The following TEP1 variants were observed in gnomAD, a reference collection of about 807,000 sequenced individuals.
TEP1 encodes the protein telomerase associated protein 1, also known as telomerase protein component 1.
TEP1 carries 241 observed loss-of-function variants against 306.3 expected under a neutral mutation model. The observed-to-expected ratio is 0.79, with a 90% CI of 0.71 to 0.88. The LOEUF (loss-of-function observed/expected upper bound fraction) is 0.88. TEP1 is among the 40% of genes least tolerant of loss of function. TEP1 has a pLI of 0.00. For missense variants in TEP1, 3,051 were observed against 3,276.1 expected (o/e 0.93, Z 1.68); for synonymous variants, 1,289 against 1,305.5 (o/e 0.99, Z 0.27).
In TEP1 at chr14:20,368,917, G is replaced by T; in HGVS notation, c.7657-15C>A. Reference sequence around the variant, plus strand: ...CCCGAGTGAATCTCAAAGAGGAAAGGGGAGAGCAGAATGGTGAGTTCTCAG... The same window carrying T: ...CCCGAGTGAATCTCAAAGAGGAAAGTGGAGAGCAGAATGGTGAGTTCTCAG... On this transcript the variant is annotated splice_polypyrimidine_tract_variant and intron_variant, in intron 53 of 54. Transcript: ENST00000262715. 1 of 1,604,616 alleles carries T rather than the reference G, an allele frequency of 6.2e-7. No homozygotes were observed.
At position 20,377,583 on chromosome 14, in the gene TEP1, C is replaced by G; in HGVS notation, c.5875+17G>C. On this transcript the variant is annotated intron_variant, in intron 40 of 54. Coordinates refer to ENST00000262715, the MANE Select transcript of TEP1 (RefSeq NM_007110.5). ...CTTTCTAAAGGCTCAAAAACCCACCCATTCCCATTTCAGTACCTGAAGAGA... is the reference window on the plus strand; with the variant it reads ...CTTTCTAAAGGCTCAAAAACCCACCGATTCCCATTTCAGTACCTGAAGAGA... The G allele has an allele frequency of 6.2e-7, 1 of 1,614,106 alleles. No individual in the cohort carries two copies. Among genetic ancestry groups the G allele is most frequent in the Admixed American group, 1.7e-5 (1 of 60,022 alleles).
At chr14:20,393,742 A>C (rs1314865487) in intron 12 of TEP1, among the ~76,000 whole-genome samples, 1 of 150,698 alleles carries the variant, frequency 6.6e-6, no homozygotes, top group East Asian at 2.0e-4. Context: ...CAGTGAGCTG[A>C]GATCACACCA....
At chr14:20,395,783 A>G (rs1878148698) in intron 11 of TEP1, 76 bp downstream of exon 11, 1 of 1,541,104 alleles carries the variant, frequency 6.5e-7, no homozygotes, top group Non-Finnish European at 8.9e-7. Context: ...GCAAGAGGCT[A>G]AAAATATTGG....
rs570184375 is a variant in TEP1 at position 20,373,847 on chromosome 14, T to C, written c.6472-37A>G. The stretch of plus-strand genomic sequence containing the variant: ...GCACAAGATCAGAGCAGAGTCATAT[T>C]GAGCAGGACATGGGAAACAGAACTT... On this transcript the variant is annotated intron_variant, in intron 44 of 54. Coordinates refer to ENST00000262715, the MANE Select transcript of TEP1 (RefSeq NM_007110.5). The C allele has an allele frequency of 1.0e-4, 160 of 1,600,434 alleles. No individual in the cohort carries two copies. The South Asian group carries it at 1.6e-3, about 16-fold the overall frequency.
In TEP1 at chr14:20,386,562, G is replaced by C; in HGVS notation, c.2746C>G (p.Leu916Val). Reference protein sequence around the residue: ...TFRDMHGERDLLLRSVLPALQ... With the variant: ...TFRDMHGERDVLLRSVLPALQ... ...GCTGGCAGCACAGACCTCAGCAGCA[G>C]GTCCCGCTCCCCATGCATGTCTCGG... Residue 916 changes from leucine (L) to valine (V), a missense_variant, in exon 19 of 55, where the codon CTG becomes GTG. Leu to Val is a conservative substitution (Grantham distance 32). This residue lies in a region of TEP1 where 1,507 missense variants were observed against 1,550.5 expected (regional missense o/e 0.97). Transcript: ENST00000262715. The C allele has an allele frequency of 6.2e-7, 1 of 1,612,314 alleles. No homozygotes were observed. Among genetic ancestry groups the C allele is most frequent in the Non-Finnish European group, 8.5e-7 (1 of 1,178,796 alleles).
chr14:20,403,238 C>T (rs1377370732), intron 7 of TEP1, 139 bp downstream of exon 7: 23 of 958,342 alleles, frequency 2.4e-5, no homozygotes, highest in Middle Eastern at 2.6e-4. Context: ...TTTCCCAGTG[C>T]TCTCAGAACC....
Position 20,384,241 on chromosome 14 carries a change from A to C in TEP1, c.3340-9T>G, listed in dbSNP as rs1876905593. ...TCCAGCAGGGCCCCAGGCTGAGGGT[A>C]AATGGGTCAGTGACTATCCATGGTG... On this transcript the variant is annotated splice_polypyrimidine_tract_variant and intron_variant, in intron 23 of 54. Coordinates refer to ENST00000262715, the MANE Select transcript of TEP1 (RefSeq NM_007110.5). The C allele has an allele frequency of 1.2e-6, 2 of 1,612,996 alleles. No individual in the cohort carries two copies. The highest frequency in any genetic ancestry group is 8.5e-7 in the Non-Finnish European group (1 of 1,179,472).
In TEP1 at chr14:20,381,813, C is replaced by A; in HGVS notation, c.4424+100G>T. On this transcript the variant is annotated intron_variant, in intron 30 of 54. Transcript: ENST00000262715. This position sits in a 1 kb window ranked among gnomAD's most constrained non-coding sequence, Gnocchi z 4.0. ...GGAGCAGCTGGAGCAGTAGCTCATT[C>A]ATGGTCTGGGAGCCAGTTGTTGAAG... is the stretch of plus-strand genomic sequence containing the variant. 1.3e-6 allele frequency: 2 copies of A among 1,545,770 alleles called. No homozygotes were observed. Among genetic ancestry groups the A allele is most frequent in the Non-Finnish European group, 1.7e-6 (2 of 1,148,508 alleles).
rs1876478532 is a variant in TEP1 at position 20,381,053 on chromosome 14, G to C, written c.4648-8C>G. The C allele has an allele frequency of 4.3e-6, 7 of 1,610,906 alleles. No homozygotes were observed. Among genetic ancestry groups the C allele is most frequent in the Admixed American group, 1.7e-5 (1 of 59,974 alleles). On this transcript the variant is annotated splice_polypyrimidine_tract_variant and splice_region_variant and intron_variant, in intron 32 of 54. Transcript: ENST00000262715. The surrounding 1 kb of genome is among the most constrained non-coding windows in gnomAD (Gnocchi z 4.0). ...ACGGTTCCCGCTCTGGAGCTGAGAA[G>C]GTCAGATTGAATTCATTAGGGATAT...
rs767374787 is a variant in TEP1 at position 20,376,270 on chromosome 14, T to C, written c.6089-6A>G. 3.1e-6 allele frequency: 5 copies of C among 1,608,936 alleles called. No homozygotes were observed. The highest frequency in any genetic ancestry group is 2.7e-5 in the African/African-American group (2 of 74,560). On this transcript the variant is annotated splice_polypyrimidine_tract_variant and splice_region_variant and intron_variant, in intron 41 of 54. Coordinates refer to ENST00000262715, the MANE Select transcript of TEP1 (RefSeq NM_007110.5). ...CAGCTGCACTGTGAAATCCTCTGCA[T>C]TGGAAAAAGAGAGAGGGAACAGCTT...
chr14:20,380,157 A>G, intron 34 of TEP1, 78 bp downstream of exon 34: 1 of 1,580,880 alleles, frequency 6.3e-7, no homozygotes, highest in Non-Finnish European at 8.6e-7. Flanking sequence ...GTTTCTGGTC[A>G]TCCTTATTCC....
intron 53 of TEP1, 47 bp downstream of exon 53, chr14:20,369,297 T>G (rs772413075): frequency 3.7e-6 from 6 of 1,602,582 alleles, no homozygotes; most frequent in Non-Finnish European, 5.1e-6. Flanking sequence ...TGTGAGCCAC[T>G]GCTCCCAGCC....
intron 9 of TEP1, among the ~76,000 whole-genome samples, chr14:20,399,474 G>A (rs1006147605): frequency 6.6e-6 from 1 of 151,650 alleles, no homozygotes; most frequent in African/African-American, 2.4e-5. Context: ...AAAGGGTTCT[G>A]TATATCCAAT....
intron 15 of TEP1, 135 bp downstream of exon 15, chr14:20,390,546 G>A (rs1158311792): frequency 2.5e-6 from 2 of 789,154 alleles, no homozygotes; most frequent in Non-Finnish European, 4.1e-6. Flanking sequence ...CTGGGTAGGG[G>A]GTTGTAGCCA....
chr14:20,398,459 A>C (rs1878399071), intron 9 of TEP1, among the ~76,000 whole-genome samples: 1 of 152,040 alleles, frequency 6.6e-6, no homozygotes, highest in Non-Finnish European at 1.5e-5. Context: ...ATCCATCTAC[A>C]ATTGAAAGAT....
chr14:20,410,039 A>T (rs1180256886), intron 1 of TEP1, among the ~76,000 whole-genome samples: 13 of 109,784 alleles, frequency 1.2e-4, no homozygotes, highest in African/African-American at 4.1e-4. Context: ...AAAAAAAAAA[A>T]AAAAAAAAAA....
At chr14:20,390,645 G>A (rs770570913) in intron 15 of TEP1, 36 bp downstream of exon 15, 1 of 1,593,384 alleles carries the variant, frequency 6.3e-7, no homozygotes, top group African/African-American at 1.3e-5. Flanking sequence ...GGAAAATGTG[G>A]GGGAGGGAGA....
Position 20,386,628 on chromosome 14 carries a change from G to A in TEP1, c.2685-5C>T. ...AAAAGCCGGATGCTGCGCCATCTGG[G>A]GATAAGCAGAGAGCTGGGCTCAGTC... On this transcript the variant is annotated splice_polypyrimidine_tract_variant and splice_region_variant and intron_variant, in intron 18 of 54. Coordinates refer to ENST00000262715, the MANE Select transcript of TEP1 (RefSeq NM_007110.5). 6.3e-7 allele frequency: 1 copy of A among 1,589,080 alleles called. No homozygotes were observed. Among genetic ancestry groups the A allele is most frequent in the Non-Finnish European group, 8.6e-7 (1 of 1,164,950 alleles).
In TEP1 at chr14:20,380,066, T is replaced by G; in HGVS notation, c.5004-13A>C. 6.2e-7 allele frequency: 1 copy of G among 1,606,780 alleles called. No individual in the cohort carries two copies. The highest frequency in any genetic ancestry group is 8.5e-7 in the Non-Finnish European group (1 of 1,177,698). ...AGACAGGCTGGAGCTAGAGAAAGAG[T>G]AGGAAGAAAGGGAGGAAATAAACGA... is the stretch of plus-strand genomic sequence containing the variant. On this transcript the variant is annotated splice_polypyrimidine_tract_variant and intron_variant, in intron 34 of 54. Transcript: ENST00000262715.
Sources: allele counts gnomAD v4.1 joint callset (sites outside exome capture counted in the v4.1 genomes callset), GRCh38; gene constraint gnomAD v4.1.1; regional missense constraint gnomAD v4.1.1; non-coding constraint Gnocchi (gnomAD v3.1); transcripts MANE v1.5; gene names NCBI Gene and HGNC (gene_info 2026-07-23, HGNC 2026-07-21).